Variants in CRTC3 observed in about 807,000 individuals in gnomAD.
The protein encoded by CRTC3 is CREB-regulated transcription coactivator 3.
CRTC3 carries 26 observed loss-of-function variants against 74.5 expected under a neutral mutation model. The observed-to-expected ratio is 0.35, with a 90% CI of 0.26 to 0.48. The LOEUF is 0.48. CRTC3 is among the 20% of genes least tolerant of loss of function. CRTC3 has a pLI of 0.99. For synonymous variants in CRTC3, 377 were observed against 325.8 expected, an observed-to-expected ratio of 1.16 and a Z score of -1.69; for missense variants, 760 against 787.3, an observed-to-expected ratio of 0.97 and a Z score of 0.41.
rs1968251240 is a variant in CRTC3 at position 90,607,413 on chromosome 15, T to G, written c.512T>G (p.Leu171Arg). ...NSDSALHTSA[L>R]STKPQDPYGG... ...GATTCTGCTCTTCACACGAGTGCTC[T>G]GAGTACCAAGCCCCAGGACCCCTAT... The change falls in exon 6 of 15, where the codon CTG (leucine) becomes CGG (arginine). Residue 171 changes from leucine to arginine, a missense_variant. Around this residue, in one of 2 missense-constraint regions of CRTC3, gnomAD observed 652 missense variants for 635.2 expected, o/e 1.03. Coordinates refer to ENST00000268184, the MANE Select transcript of CRTC3 (RefSeq NM_022769.5). 1 of 1,613,374 alleles carries G rather than the reference T, an allele frequency of 6.2e-7. No individual in the cohort carries two copies. The highest frequency in any genetic ancestry group is 8.5e-7 in the Non-Finnish European group (1 of 1,179,686).
chr15:90,639,701 T>C (rs983270974), intron 13 of CRTC3, among the ~76,000 whole-genome samples: 3 of 150,058 alleles, frequency 2.0e-5, no homozygotes, highest in African/African-American at 4.9e-5. Context: ...CCACCCGCCT[T>C]GGCCTCCCAA....
chr15:90,629,411 C>A lies in CRTC3; in HGVS notation c.1145C>A (p.Pro382Gln), dbSNP rs779426178. 3 of 1,614,000 alleles carry A rather than the reference C, an allele frequency of 1.9e-6. No individual in the cohort carries two copies. The highest frequency in any genetic ancestry group is 2.5e-6 in the Non-Finnish European group (3 of 1,180,040). ...CTTTCCACCACAAACCTGAGCGGCC[C>A]GTCTCGGCGTCGGCAGCCTCCCGTC... ...PSLSTTNLSG[P>Q]SRRRQPPVSP... is the part of the protein sequence containing the mutation. Residue 382 changes from proline (P) to glutamine (Q), a missense_variant, in exon 11 of 15, where the codon CCG becomes CAG. By Grantham distance (76) the Pro-to-Gln change is moderately conservative. This residue lies in a region of CRTC3 where 652 missense variants were observed against 635.2 expected (regional missense o/e 1.03). Coordinates refer to ENST00000268184, the MANE Select transcript of CRTC3 (RefSeq NM_022769.5).
Position 90,598,595 on chromosome 15 carries a change from C to T in CRTC3, c.352-3729C>T, listed in dbSNP as rs540059400. ...ATCCTAACATGAGTGTCTTGGTGGA[C>T]GGTGGCCTCACTAAATGAGATGGAC... On this transcript the variant is annotated intron_variant, in intron 3 of 14. Coordinates refer to ENST00000268184, the MANE Select transcript of CRTC3 (RefSeq NM_022769.5). The T allele has an allele frequency of 2.4e-4, 169 of 692,494 alleles. 2 individuals are homozygous for T. Among genetic ancestry groups the T allele is most frequent in the South Asian group, 9.3e-4 (62 of 66,332 alleles). The allele number at this position is 692,494 out of a possible 1,614,324, so 42.9% of individuals were successfully genotyped here. A position where few individuals can be genotyped will look rare whatever the true frequency, so the allele number is the denominator to read the frequency against.
chr15:90,617,258 C>T (rs1283550094), intron 7 of CRTC3, among the ~76,000 whole-genome samples: 6 of 152,154 alleles, frequency 3.9e-5, no homozygotes, highest in Admixed American at 6.5e-5. Context: ...TCGGCTCTCT[C>T]GGGCTTCCAC....
At chr15:90,547,942 G>A (rs1387049412) in intron 2 of CRTC3, among the ~76,000 whole-genome samples, 4 of 142,200 alleles carry the variant, frequency 2.8e-5, no homozygotes, top group Admixed American at 7.4e-5. Flanking sequence ...CAGCTGGAGC[G>A]CAATGATGTG....
chr15:90,573,151 C>T (rs187421141), intron 2 of CRTC3, among the ~76,000 whole-genome samples: 2 of 152,244 alleles, frequency 1.3e-5, no homozygotes, highest in Admixed American at 1.3e-4. Flanking sequence ...AAATTACACA[C>T]TATTTGTCTT....
At chr15:90,641,904 T>C in intron 14 of CRTC3, 28 bp from the exon 15 acceptor site, 1 of 1,607,840 alleles carries the variant, frequency 6.2e-7, no homozygotes, top group Non-Finnish European at 8.5e-7. Flanking sequence ...CTAACCGCAC[T>C]GTTTTCCCCT....
intron 6 of CRTC3, among the ~76,000 whole-genome samples, chr15:90,608,821 G>A (rs901446681): frequency 6.6e-6 from 1 of 152,218 alleles, no homozygotes; most frequent in Admixed American, 6.5e-5. Flanking sequence ...CACCTGACCT[G>A]TACATGAAGT....
chr15:90,606,453 A>G (rs562183231), intron 5 of CRTC3, among the ~76,000 whole-genome samples: 3 of 152,106 alleles, frequency 2.0e-5, no homozygotes, highest in Admixed American at 2.0e-4. Context: ...TCCCAGCTAC[A>G]CGGGAGGCTG....
intron 2 of CRTC3, among the ~76,000 whole-genome samples, chr15:90,580,056 A>G (rs1435242288): frequency 1.3e-5 from 2 of 152,246 alleles, no homozygotes; most frequent in African/African-American, 4.8e-5. Context: ...AAATCCCACA[A>G]AAATAATCAC....
intron 1 of CRTC3, among the ~76,000 whole-genome samples, chr15:90,536,407 C>T (rs551202293): frequency 7.4e-5 from 11 of 149,654 alleles, no homozygotes; most frequent in Non-Finnish European, 1.5e-4. Context: ...CGTGGTGGCG[C>T]GTGCCTGTAT....
At chr15:90,611,521 A>G (rs764237342) in intron 6 of CRTC3, among the ~76,000 whole-genome samples, 4 of 152,230 alleles carry the variant, frequency 2.6e-5, no homozygotes, top group East Asian at 3.9e-4. Flanking sequence ...AGCAGTAAAA[A>G]TCCAGGCTTG....
In CRTC3 at chr15:90,643,488, G is replaced by A. The variant is rs1010882701; in HGVS notation, c.*1348G>A. On this transcript the variant is annotated 3_prime_UTR_variant, in exon 15 of 15. Coordinates refer to ENST00000268184, the MANE Select transcript of CRTC3 (RefSeq NM_022769.5). ...TGAGTGCCCTGAGCATCCTGGCTGG[G>A]CCCCACCCAGGAAGATCTTCCTTCT... 1 of 229,136 alleles carries A rather than the reference G, an allele frequency of 4.4e-6. No individual in the cohort carries two copies. Among genetic ancestry groups the A allele is most frequent in the African/African-American group, 2.2e-5 (1 of 45,056 alleles). The allele number at this position is 229,136 out of a possible 1,614,324, so 14.2% of individuals were successfully genotyped here. A position where few individuals can be genotyped will look rare whatever the true frequency, so the allele number is the denominator to read the frequency against.
intron 2 of CRTC3, among the ~76,000 whole-genome samples, chr15:90,540,460 T>A (rs1966784909): frequency 6.6e-6 from 1 of 150,746 alleles, no homozygotes; most frequent in Non-Finnish European, 1.5e-5. Flanking sequence ...CTTTCTCATC[T>A]ATAATTTTAA....
At position 90,607,400 on chromosome 15, in the gene CRTC3, C is replaced by T; in HGVS notation, c.499C>T (p.His167Tyr). 2 of 1,612,798 alleles carry T rather than the reference C, an allele frequency of 1.2e-6. No individual in the cohort carries two copies. The highest frequency in any genetic ancestry group is 1.7e-6 in the Non-Finnish European group (2 of 1,179,246). ...TAGGACCAATTCTGATTCTGCTCTT[C>T]ACACGAGTGCTCTGAGTACCAAGCC... ...LNRTNSDSAL[H>Y]TSALSTKPQD... Residue 167 changes from histidine (H) to tyrosine (Y), a missense_variant, in exon 6 of 15, where the codon CAC becomes TAC. Coordinates refer to ENST00000268184, the MANE Select transcript of CRTC3 (RefSeq NM_022769.5).
chr15:90,575,688 C>A (rs1967387908), intron 2 of CRTC3, among the ~76,000 whole-genome samples: 1 of 152,088 alleles, frequency 6.6e-6, no homozygotes, highest in South Asian at 2.1e-4. Context: ...ATTCATACAC[C>A]AGAATCACAC....
chr15:90,575,481 G>A (rs975388537), intron 2 of CRTC3, among the ~76,000 whole-genome samples: 8 of 152,264 alleles, frequency 5.3e-5, no homozygotes, highest in Non-Finnish European at 1.0e-4. Flanking sequence ...GATCCATCAT[G>A]TGCTTATGCC....
intron 2 of CRTC3, among the ~76,000 whole-genome samples, chr15:90,552,010 G>T (rs1469221624): frequency 6.6e-6 from 1 of 151,824 alleles, no homozygotes; most frequent in Admixed American, 6.6e-5. Flanking sequence ...GAAGGTGTTG[G>T]GTGTCGTGGT....
chr15:90,610,935 G>C (rs560319644), intron 6 of CRTC3, among the ~76,000 whole-genome samples: 1 of 152,350 alleles, frequency 6.6e-6, no homozygotes, highest in African/African-American at 2.4e-5. Flanking sequence ...GGGGACCACA[G>C]TACTCAGCTC....
Sources: gnomAD v4.1 joint callset for allele counts (sites outside exome capture counted in the v4.1 genomes callset) on GRCh38, gnomAD v4.1.1 for gene constraint, gnomAD v4.1.1 regional missense constraint, MANE v1.5 for transcripts, NCBI Gene and HGNC (gene_info 2026-07-23, HGNC 2026-07-21) for gene names.